The following DTNB variants were observed in gnomAD, a reference collection of about 807,000 sequenced individuals.
DTNB encodes the protein DTN-B.
In DTNB, 63 loss-of-function variants were observed where a neutral mutation model predicts 90.7. The observed-to-expected ratio is 0.69, with a 90% confidence interval of 0.57 to 0.86. The LOEUF (loss-of-function observed/expected upper bound fraction) is 0.86, where lower values mean the gene tolerates loss of function less well. Ranked by LOEUF, DTNB falls within the 40% of genes least tolerant of loss-of-function variation. The pLI is 0.00. For missense variants in DTNB, 744 were observed against 807.1 expected, an observed-to-expected ratio of 0.92 and a Z score of 0.95; for synonymous variants, 277 against 286.7, an observed-to-expected ratio of 0.97 and a Z score of 0.34.
At chr2:25,470,088 C>A (rs914491307) in intron 10 of DTNB, among the ~76,000 whole-genome samples, 9 of 152,134 alleles carry the variant, frequency 5.9e-5, no homozygotes, top group Non-Finnish European at 1.2e-4. Flanking sequence ...GTGTCCTCCA[C>A]AATAAATGCA....
At chr2:25,422,270 G>T (rs76228658) in intron 15 of DTNB, among the ~76,000 whole-genome samples, 1,625 of 152,080 alleles carry the variant, frequency 0.011, 40 homozygotes, top group African/African-American at 0.037. Flanking sequence ...CCAAAGCAAT[G>T]ACATAGCCAC....
intron 6 of DTNB, chr2:25,595,092 T>C (rs1019122071): frequency 6.6e-5 from 10 of 152,212 alleles, no homozygotes; most frequent in East Asian, 5.8e-4. Flanking sequence ...AATTCCTTCA[T>C]TGGAGTTTGT....
chr2:25,542,332 T>C (rs2081453181), intron 8 of DTNB, among the ~76,000 whole-genome samples: 2 of 152,250 alleles, frequency 1.3e-5, no homozygotes, highest in Admixed American at 6.5e-5. Context: ...ATGAATGTGG[T>C]AAATTATAAG....
At chr2:25,379,665 T>A in intron 19 of DTNB, 1 of 283,360 alleles carries the variant, frequency 3.5e-6, no homozygotes, top group Non-Finnish European at 6.5e-6. Context: ...TGACTGCGCC[T>A]TGAGTGAGGG....
chr2:25,435,716 T>C (rs953422989), intron 12 of DTNB, among the ~76,000 whole-genome samples: 1 of 152,212 alleles, frequency 6.6e-6, no homozygotes, highest in African/African-American at 2.4e-5. Context: ...TGTTGAGTTA[T>C]GTTATTATTT....
At chr2:25,589,087 G>A (rs534765149) in intron 6 of DTNB, among the ~76,000 whole-genome samples, 32 of 152,260 alleles carry the variant, frequency 2.1e-4, no homozygotes, top group Middle Eastern at 3.4e-3. Flanking sequence ...AAATCATTTC[G>A]CTACATAGCT....
Position 25,476,137 on chromosome 2 carries a change from C to T in DTNB, c.1079+6659G>A, listed in dbSNP as rs559563799. On this transcript the variant is annotated intron_variant, in intron 10 of 20. Coordinates refer to ENST00000406818, the MANE Select transcript of DTNB (RefSeq NM_021907.5). ...AGGCTGGAGTGCAATGGCACAATCT[C>T]GGCTCACTGCAACCTCCACCTCCCG... Among the ~76,000 whole-genome samples the T allele has an allele frequency of 2.5e-4, 38 of 149,746 alleles. 1 individual carries two copies. The highest frequency in any genetic ancestry group is 4.2e-4 in the South Asian group (2 of 4,746).
At chr2:25,553,742 A>T (rs2056796299) in intron 8 of DTNB, among the ~76,000 whole-genome samples, 1 of 133,302 alleles carries the variant, frequency 7.5e-6, no homozygotes, top group Non-Finnish European at 1.6e-5. Context: ...ACTCCTTCTC[A>T]AAAAAAAAAA....
intron 1 of DTNB, among the ~76,000 whole-genome samples, chr2:25,660,783 C>T (rs999387823): frequency 1.3e-5 from 2 of 151,878 alleles, no homozygotes; most frequent in Admixed American, 1.3e-4. Flanking sequence ...TTTTTTCTAT[C>T]GTGGACAGTG....
At chr2:25,629,634 G>C (rs2075245433) in intron 3 of DTNB, among the ~76,000 whole-genome samples, 1 of 152,162 alleles carries the variant, frequency 6.6e-6, no homozygotes, top group Admixed American at 6.5e-5. Flanking sequence ...AGGAAAAAAA[G>C]GGGGGAGGGC....
At chr2:25,491,448 T>G (rs1346156509) in intron 9 of DTNB, among the ~76,000 whole-genome samples, 1 of 152,110 alleles carries the variant, frequency 6.6e-6, no homozygotes, top group Non-Finnish European at 1.5e-5. Context: ...AGGCACAGAG[T>G]AGGTACTCCG....
intron 16 of DTNB, among the ~76,000 whole-genome samples, chr2:25,403,274 C>T (rs556747141): frequency 6.6e-6 from 1 of 152,306 alleles, no homozygotes; most frequent in East Asian, 1.9e-4. Flanking sequence ...CGCCACCACA[C>T]CCCGCTAATT....
chr2:25,446,125 C>T (rs925731994), intron 12 of DTNB, among the ~76,000 whole-genome samples: 1 of 152,026 alleles, frequency 6.6e-6, no homozygotes, highest in Non-Finnish European at 1.5e-5. Flanking sequence ...GTCTTTATTT[C>T]TCCTTTTGAC....
intron 4 of DTNB, among the ~76,000 whole-genome samples, chr2:25,623,982 C>T (rs747273934): frequency 1.3e-4 from 20 of 152,146 alleles, no homozygotes; most frequent in Middle Eastern, 3.2e-3. Flanking sequence ...GATGGACATG[C>T]CTCATGATAC....
intron 16 of DTNB, among the ~76,000 whole-genome samples, chr2:25,398,197 C>A (rs997896065): frequency 6.6e-6 from 1 of 152,220 alleles, no homozygotes; most frequent in African/African-American, 2.4e-5. Context: ...GGAAGTGAAA[C>A]CTCCTGCCCA....
intron 8 of DTNB, among the ~76,000 whole-genome samples, chr2:25,572,665 T>G (rs1470043419): frequency 2.6e-5 from 4 of 151,642 alleles, no homozygotes; most frequent in East Asian, 1.9e-4. Flanking sequence ...TTTTTGTTTT[T>G]TTTTTTTTAA....
At chr2:25,619,557 A>C (rs1202704172) in intron 4 of DTNB, among the ~76,000 whole-genome samples, 1 of 152,222 alleles carries the variant, frequency 6.6e-6, no homozygotes. Flanking sequence ...CATTATACTA[A>C]TTGAGGAATG....
chr2:25,533,985 C>T (rs889565750), intron 8 of DTNB, among the ~76,000 whole-genome samples: 2 of 137,608 alleles, frequency 1.5e-5, no homozygotes, highest in Admixed American at 7.0e-5. Context: ...GGAAATGCAG[C>T]GTTTATTTTT....
At chr2:25,506,700 G>A (rs965542751) in intron 9 of DTNB, among the ~76,000 whole-genome samples, 9 of 152,194 alleles carry the variant, frequency 5.9e-5, no homozygotes, top group Non-Finnish European at 2.9e-5. Flanking sequence ...CAAATATTAT[G>A]TATCAATAAG....
Sources: allele counts gnomAD v4.1 joint callset (sites outside exome capture counted in the v4.1 genomes callset), GRCh38; gene constraint gnomAD v4.1.1; transcripts MANE v1.5; gene names NCBI Gene and HGNC (gene_info 2026-07-23, HGNC 2026-07-21).